The following MTMR3 variants were observed in gnomAD, a reference collection of about 807,000 sequenced individuals.
The protein encoded by MTMR3 is phosphatidylinositol-3,5-bisphosphate 3-phosphatase MTMR3.
A neutral mutation model predicts 132.4 loss-of-function variants in MTMR3; 32 were observed. The observed-to-expected ratio is 0.24, with a 90% CI of 0.18 to 0.32. MTMR3 has a LOEUF of 0.32. Ranked by LOEUF, MTMR3 falls within the 10% of genes least tolerant of loss-of-function variation. The probability of loss-of-function intolerance (pLI) is 1.00; values close to 1 mark genes in which losing one functional copy is unlikely to be tolerated. For synonymous variants in MTMR3, 556 were observed against 550.3 expected, an observed-to-expected ratio of 1.01 and a Z score of -0.14; for missense variants, 1,216 against 1,489.6, an observed-to-expected ratio of 0.82 and a Z score of 3.02.
intron 5 of MTMR3, chr22:29,988,214 T>C (rs574516671): frequency 3.5e-5 from 9 of 258,064 alleles, no homozygotes; most frequent in East Asian, 7.3e-5. Context: ...CTGAGAGATA[T>C]ATTCTCCCCT....
intron 1 of MTMR3, among the ~76,000 whole-genome samples, chr22:29,922,822 T>C: frequency 6.6e-6 from 1 of 151,712 alleles, no homozygotes; most frequent in Non-Finnish European, 1.5e-5. Context: ...AAATTTAAAA[T>C]AGCCATCATA....
intron 8 of MTMR3, 28 bp downstream of exon 8, chr22:29,998,885 TTTCACAG>T (rs1478414053): frequency 6.6e-7 from 1 of 1,518,968 alleles, no homozygotes; most frequent in Non-Finnish European, 9.0e-7. Context: ...CTGTGGACTG[TTTCACAG>T]CCAGTGCCTT....
intron 1 of MTMR3, among the ~76,000 whole-genome samples, chr22:29,908,665 A>G (rs769432027): frequency 2.0e-5 from 3 of 152,252 alleles, no homozygotes; most frequent in Non-Finnish European, 2.9e-5. Flanking sequence ...TAGCTCAGAG[A>G]TAAAACATTT....
At chr22:29,965,260 A>T (rs1733313103) in intron 2 of MTMR3, among the ~76,000 whole-genome samples, 1 of 151,822 alleles carries the variant, frequency 6.6e-6, no homozygotes, top group Admixed American at 6.6e-5. Flanking sequence ...ATTTTGACTG[A>T]CTGCAGTGCA....
chr22:30,022,328 A>G, intron 18 of MTMR3, 189 bp downstream of exon 18: 1 of 613,168 alleles, frequency 1.6e-6, no homozygotes, highest in Non-Finnish European at 2.9e-6. Context: ...AGACTCAGCA[A>G]GCTGGCCCTC....
intron 1 of MTMR3, among the ~76,000 whole-genome samples, chr22:29,936,060 C>G (rs777126095): frequency 1.3e-5 from 2 of 152,100 alleles, no homozygotes; most frequent in Non-Finnish European, 2.9e-5. Flanking sequence ...CCTCCATGCC[C>G]ACTTTTAGGG....
At chr22:29,905,011 A>G (rs1306272016) in intron 1 of MTMR3, among the ~76,000 whole-genome samples, 2 of 152,190 alleles carry the variant, frequency 1.3e-5, no homozygotes, top group African/African-American at 4.8e-5. Flanking sequence ...AAACATACCA[A>G]TTTGCTATCC....
intron 5 of MTMR3, chr22:29,980,286 AGGAG>A (rs2066715179): frequency 6.6e-6 from 1 of 152,110 alleles, no homozygotes; most frequent in African/African-American, 2.4e-5. Flanking sequence ...ATTTATGTCC[AGGAG>A]CAGTTTTGGC....
At chr22:30,021,028 G>T in intron 17 of MTMR3, 144 bp downstream of exon 17, 1 of 814,332 alleles carries the variant, frequency 1.2e-6, no homozygotes, top group Non-Finnish European at 1.9e-6. Context: ...AGAGAGGCTG[G>T]AGATGAGCCT....
chr22:29,949,693 G>A (rs1008291548), intron 1 of MTMR3, among the ~76,000 whole-genome samples: 1 of 151,886 alleles, frequency 6.6e-6, no homozygotes, highest in African/African-American at 2.4e-5. Flanking sequence ...ACTCCTCTTC[G>A]TGGAGATTGA....
chr22:29,978,375 T>C (rs751540493), intron 3 of MTMR3, 67 bp from the exon 4 acceptor site: 40 of 1,219,662 alleles, frequency 3.3e-5, no homozygotes, highest in Admixed American at 7.3e-5. Flanking sequence ...CTAGCAGATA[T>C]GGCAGAAAAA....
chr22:29,986,425 GTTATCTTCT>G (rs2066859086), intron 5 of MTMR3: 1 of 400,104 alleles, frequency 2.5e-6, no homozygotes, highest in Non-Finnish European at 3.4e-6. Flanking sequence ...ACAAAGCAAA[GTTATCTTCT>G]AATCTGTCTT....
chr22:29,928,711 C>G (rs907663335), intron 1 of MTMR3, among the ~76,000 whole-genome samples: 8 of 152,018 alleles, frequency 5.3e-5, no homozygotes, highest in Non-Finnish European at 1.2e-4. Flanking sequence ...GACGAAGTCT[C>G]GGCATGTTGC....
intron 1 of MTMR3, among the ~76,000 whole-genome samples, chr22:29,933,246 G>A (rs1454791521): frequency 6.6e-6 from 1 of 151,846 alleles, no homozygotes. Flanking sequence ...GGGATTACAG[G>A]TGGAGAGTTT....
intron 1 of MTMR3, among the ~76,000 whole-genome samples, chr22:29,943,949 G>T (rs769916075): frequency 2.0e-5 from 3 of 151,790 alleles, no homozygotes; most frequent in Non-Finnish European, 4.4e-5. Context: ...TCAGCTGCCC[G>T]AGTAGCTGGG....
intron 1 of MTMR3, among the ~76,000 whole-genome samples, chr22:29,887,225 A>G (rs933517897): frequency 1.8e-4 from 28 of 152,184 alleles, no homozygotes; most frequent in South Asian, 2.1e-4. Context: ...TCTTGGGTTC[A>G]AGCCTGGGTT....
chr22:29,978,090 A>G (rs900934805), intron 3 of MTMR3: 5 of 163,160 alleles, frequency 3.1e-5, no homozygotes, highest in Admixed American at 2.4e-4. Flanking sequence ...CGGCGAGCCA[A>G]GATTACACCA....
chr22:29,987,598 A>G (rs1323445417), intron 5 of MTMR3: 3 of 152,188 alleles, frequency 2.0e-5, no homozygotes, highest in East Asian at 3.8e-4. Context: ...TTGAATTAGG[A>G]TGATTTAAGG....
Position 29,896,336 on chromosome 22 carries a change from T to C in MTMR3, c.-138+12977T>C, listed in dbSNP as rs1241338679. ...AAAACAAACAAACAAAAAAAACTTT[T>C]TCACCTTTCCAGTTGGCTTCAATTG... On this transcript the variant is annotated intron_variant, in intron 1 of 19. Transcript: ENST00000401950. Among the ~76,000 whole-genome samples the C allele has an allele frequency of 2.0e-5, 3 of 152,052 alleles. No individual in the cohort carries two copies. In the East Asian group the frequency reaches 5.8e-4, roughly 29 times the overall value.
Sources: allele counts gnomAD v4.1 joint callset (sites outside exome capture counted in the v4.1 genomes callset), GRCh38; gene constraint gnomAD v4.1.1; transcripts MANE v1.5; gene names NCBI Gene and HGNC (gene_info 2026-07-23, HGNC 2026-07-21).